SLC2A10: variants seen among roughly 807,000 people sequenced by gnomAD.
The protein encoded by SLC2A10 is solute carrier family 2, facilitated glucose transporter member 10.
In SLC2A10, 25 loss-of-function variants were observed where a neutral mutation model predicts 32.1. The observed-to-expected ratio is 0.78, with a 90% confidence interval of 0.57 to 1.09. The LOEUF (loss-of-function observed/expected upper bound fraction) is 1.09. Among genes scored for constraint, SLC2A10 ranks in the 50% least tolerant of loss-of-function variants. The pLI, the probability that SLC2A10 is intolerant of heterozygous loss-of-function variation, is 0.00. For synonymous variants in SLC2A10, 332 were observed against 309.6 expected, an observed-to-expected ratio of 1.07 and a Z score of -0.76; for missense variants, 673 against 686.5, an observed-to-expected ratio of 0.98 and a Z score of 0.22.
At position 46,733,639 on chromosome 20, in the gene SLC2A10, G is replaced by GT. The variant is rs1292040269; in HGVS notation, c.1548-117_1548-116insT. On this transcript the variant is annotated intron_variant, in intron 4 of 4. Coordinates refer to ENST00000359271, the MANE Select transcript of SLC2A10 (RefSeq NM_030777.4). ...TTGTAATAAGGCAGGAGGCAGGAAGGGTCATGGTAGGAGTGAAGGTGGGAT... is the reference window on the plus strand; with the variant it reads ...TTGTAATAAGGCAGGAGGCAGGAAGGTGTCATGGTAGGAGTGAAGGTGGGAT... 5.5e-5 allele frequency: 44 copies of GT among 807,022 alleles called. 1 individual carries two copies. In the East Asian group the frequency reaches 1.0e-3, roughly 19 times the overall value. The allele number at this position is 807,022 out of a possible 1,614,324, so 50.0% of individuals were successfully genotyped here.
At chr20:46,730,085 T>G (rs1401728516) in intron 4 of SLC2A10, among the ~76,000 whole-genome samples, 1 of 152,214 alleles carries the variant, frequency 6.6e-6, no homozygotes, top group East Asian at 1.9e-4. Flanking sequence ...GAGTAGAATC[T>G]TAAAACCATA....
chr20:46,728,515 C>A (rs115112617), intron 3 of SLC2A10, among the ~76,000 whole-genome samples: 1 of 152,030 alleles, frequency 6.6e-6, no homozygotes, highest in Admixed American at 6.5e-5. Flanking sequence ...TGTCCTCTCT[C>A]CCAAACCAGT....
In SLC2A10 at chr20:46,735,406, T is replaced by TA. The variant is rs1208469710; in HGVS notation, c.*1578dup. 1.3e-5 allele frequency: 2 copies of TA among 152,760 alleles called. No individual in the cohort carries two copies. The highest frequency in any genetic ancestry group is 2.9e-5 in the Non-Finnish European group (2 of 68,026). 9.5% of individuals were successfully genotyped at this position (152,760 alleles called of 1,614,324 possible). A position where few individuals can be genotyped will look rare whatever the true frequency, so the allele number is the denominator to read the frequency against. On this transcript the variant is annotated 3_prime_UTR_variant, in exon 5 of 5. Coordinates refer to ENST00000359271, the MANE Select transcript of SLC2A10 (RefSeq NM_030777.4). ...TACAAGTTGGTAAACACAGCCATTA[T>TA]AAAAAATTAAATGATTTAAATTTAT...
At chr20:46,717,418 C>G (rs1190607246) in intron 1 of SLC2A10, among the ~76,000 whole-genome samples, 2 of 152,124 alleles carry the variant, frequency 1.3e-5, no homozygotes, top group Non-Finnish European at 2.9e-5. Context: ...TGGAGTCTTG[C>G]TCTGTCGCCC....
At chr20:46,711,181 GCT>G (rs1413880657) in intron 1 of SLC2A10, among the ~76,000 whole-genome samples, 3 of 152,216 alleles carry the variant, frequency 2.0e-5, no homozygotes. Context: ...CTCAAAGTTT[GCT>G]CTGAGTCGTT....
At chr20:46,728,523 A>C (rs1600670856) in intron 3 of SLC2A10, among the ~76,000 whole-genome samples, 2 of 151,738 alleles carry the variant, frequency 1.3e-5, no homozygotes, top group South Asian at 4.2e-4. Context: ...CTCCCAAACC[A>C]GTCACAGGTC....
intron 1 of SLC2A10, among the ~76,000 whole-genome samples, chr20:46,723,940 CATTTAGT>C (rs1490173864): frequency 6.6e-6 from 1 of 152,226 alleles, no homozygotes; most frequent in African/African-American, 2.4e-5. Flanking sequence ...CAGATTCTGG[CATTTAGT>C]AAGGGCCATA....
At position 46,726,045 on chromosome 20, in the gene SLC2A10, G is replaced by A. The variant is rs369238826; in HGVS notation, c.1009G>A (p.Gly337Arg). 13 of 1,613,984 alleles carry A rather than the reference G, an allele frequency of 8.1e-6. No homozygotes were observed. Among genetic ancestry groups the A allele is most frequent in the African/African-American group, 2.7e-5 (2 of 74,944 alleles). The change falls in exon 2 of 5, where the codon GGG (glycine) becomes AGG (arginine). Residue 337 changes from glycine (G) to arginine (R), a missense_variant. Coordinates refer to ENST00000359271, the MANE Select transcript of SLC2A10 (RefSeq NM_030777.4). The part of the protein sequence containing the change: ...PSCLAVPNAT[G>R]QTGLPGDSGL... ...CTGTCTGGCTGTGCCCAATGCCACC[G>A]GGCAGACAGGCCTCCCTGGAGACTC...
intron 1 of SLC2A10, among the ~76,000 whole-genome samples, chr20:46,716,550 G>A (rs1387910220): frequency 6.6e-6 from 1 of 152,040 alleles, no homozygotes; most frequent in Non-Finnish European, 1.5e-5. Flanking sequence ...GTCCAGGGTG[G>A]GGGTGCATGA....
chr20:46,723,595 C>A (rs2123036075), intron 1 of SLC2A10, among the ~76,000 whole-genome samples: 1 of 152,292 alleles, frequency 6.6e-6, no homozygotes, highest in Non-Finnish European at 1.5e-5. Flanking sequence ...AAAAGTAGAT[C>A]ACCTCATTCC....
Position 46,725,566 on chromosome 20 carries a change from T to C in SLC2A10, c.530T>C (p.Leu177Pro), listed in dbSNP as rs777214287. 4.3e-6 allele frequency: 7 copies of C among 1,614,198 alleles called. No homozygotes were observed. In the East Asian group the frequency reaches 1.6e-4, roughly 36 times the overall value. The part of the protein sequence containing the change: ...MFGWATAPAV[L>P]QSLSLLFLPA... ...GGCTGGGCCACTGCACCTGCTGTCC[T>C]GCAATCCCTCAGCCTCCTCTTCCTC... Residue 177 changes from leucine to proline, a missense_variant, in exon 2 of 5, where the codon CTG becomes CCG. Transcript: ENST00000359271.
rs1980156149 is a variant in SLC2A10, at chr20:46,729,440, C to T, written c.1499C>T (p.Thr500Ile). 1 of 1,613,738 alleles carries T rather than the reference C, an allele frequency of 6.2e-7. No homozygotes were observed. Among genetic ancestry groups the T allele is most frequent in the Non-Finnish European group, 8.5e-7 (1 of 1,179,888 alleles). ...LGFIYLFVPE[T>I]KGQSLAEIDQ... ...TTCATCTATTTATTTGTTCCTGAAA[C>T]AAAAGGCCAGTCGTTGGCAGAGATA... Residue 500 changes from threonine (T) to isoleucine (I), a missense_variant, in exon 4 of 5, where the codon ACA (threonine) becomes ATA (isoleucine). By Grantham distance (89) the Thr-to-Ile change is moderately conservative. Transcript: ENST00000359271.
chr20:46,715,994 G>A (rs990905893), intron 1 of SLC2A10, among the ~76,000 whole-genome samples: 1 of 151,790 alleles, frequency 6.6e-6, no homozygotes, highest in African/African-American at 2.4e-5. Context: ...ACCCTGCCTG[G>A]CTAATTTTTA....
chr20:46,710,602 T>C (rs536238993), intron 1 of SLC2A10, among the ~76,000 whole-genome samples: 51 of 152,302 alleles, frequency 3.3e-4, no homozygotes, highest in Non-Finnish European at 5.9e-4. Context: ...GTTTTGGAGC[T>C]GAGAACTTCC....
In SLC2A10 at chr20:46,726,109, G is replaced by T. The variant is rs1471275289; in HGVS notation, c.1073G>T (p.Arg358Met). The T allele has an allele frequency of 6.2e-7, 1 of 1,614,234 alleles. No homozygotes were observed. Among genetic ancestry groups the T allele is most frequent in the Admixed American group, 1.7e-5 (1 of 60,030 alleles). Residue 358 changes from arginine (R) to methionine (M), a missense_variant, in exon 2 of 5, where the codon AGG (arginine) becomes ATG (methionine). Arg to Met is a moderately conservative substitution (Grantham distance 91). Transcript: ENST00000359271. ...GACTCCTCTCTACCTCCCATTCCAA[G>T]GACCAATGAGGACCAAAGGGAGCCA... ...LQDSSLPPIP[R>M]TNEDQREPIL...
chr20:46,726,196 C>A lies in SLC2A10; in HGVS notation c.1160C>A (p.Pro387His). 1.2e-6 allele frequency: 2 copies of A among 1,614,210 alleles called. No individual in the cohort carries two copies. The highest frequency in any genetic ancestry group is 2.2e-5 in the South Asian group (2 of 91,090). Residue 387 changes from proline to histidine, a missense_variant, in exon 2 of 5, where the codon CCT (proline) becomes CAT (histidine). Physicochemically the swap from Pro to His is moderately conservative, Grantham distance 77 (BLOSUM62 -2). Transcript: ENST00000359271. ...HPRSGDPSAPPRLALSSALPG... is the reference protein window; with the variant it reads ...HPRSGDPSAPHRLALSSALPG... ...AGATCTGGAGACCCCTCAGCCCCTC[C>A]TCGGCTGGCCCTGAGCTCTGCCCTC...
In SLC2A10 at chr20:46,726,862, A is replaced by C; in HGVS notation, c.1289-2A>C. 1 of 1,599,796 alleles carries C rather than the reference A, an allele frequency of 6.3e-7. No homozygotes were observed. Among genetic ancestry groups the C allele is most frequent in the South Asian group, 1.1e-5 (1 of 90,622 alleles). ...AGGAGCCCTCCTGCTCTCCCACCCT[A>C]GTGACCTGGCTTGTCCTCAGCGAGA... On this transcript the variant is annotated splice_acceptor_variant, in intron 2 of 4. Transcript: ENST00000359271. LOFTEE classifies it high-confidence loss of function.
At chr20:46,729,688 C>T (rs1282777341) in intron 4 of SLC2A10, among the ~76,000 whole-genome samples, 200 bp downstream of exon 4, 1 of 127,102 alleles carries the variant, frequency 7.9e-6, no homozygotes, top group Admixed American at 9.4e-5. Flanking sequence ...GTTGCCCAGG[C>T]TGGAGTGCAG....
rs745770639 is a variant in SLC2A10 at position 46,725,061 on chromosome 20, C to A, written c.25C>A (p.Pro9Thr). MGHSPPVL[P>T]LCASVSLLGG... ...TTTAGGCCACTCCCCACCTGTCCTG[C>A]CTTTGTGTGCCTCTGTGTCTTTGCT... The change falls in exon 2 of 5, where the codon CCT (proline) becomes ACT (threonine). Residue 9 changes from proline (P) to threonine (T), a missense_variant. By Grantham distance (38) the Pro-to-Thr change is conservative. Transcript: ENST00000359271. 2 of 1,614,246 alleles carry A rather than the reference C, an allele frequency of 1.2e-6. No homozygotes were observed. Among genetic ancestry groups the A allele is most frequent in the Non-Finnish European group, 1.7e-6 (2 of 1,180,050 alleles).
Sources: gnomAD v4.1 joint callset for allele counts (sites outside exome capture counted in the v4.1 genomes callset) on GRCh38, gnomAD v4.1.1 for gene constraint, MANE v1.5 for transcripts, NCBI Gene and HGNC (gene_info 2026-07-23, HGNC 2026-07-21) for gene names.